The following NRXN3 variants were observed in gnomAD, a reference collection of about 807,000 sequenced individuals.
NRXN3 encodes neurexin III.
In NRXN3, 32 loss-of-function variants were observed where a neutral mutation model predicts 137.6. That is an observed-to-expected ratio of 0.23 (90% CI 0.18 to 0.31). The LOEUF (loss-of-function observed/expected upper bound fraction) is 0.31. Among genes scored for constraint, NRXN3 ranks in the 10% least tolerant of loss-of-function variants. NRXN3 has a pLI of 1.00. For missense variants in NRXN3, 1,574 were observed against 2,062.5 expected (o/e 0.76, Z 4.59); for synonymous variants, 798 against 784.5 (o/e 1.02, Z -0.29).
chr14:78,231,082 T>C (rs1447363859), intron 1 of NRXN3, among the ~76,000 whole-genome samples: 1 of 152,110 alleles, frequency 6.6e-6, no homozygotes, highest in Non-Finnish European at 1.5e-5. Context: ...TGGAACATCC[T>C]GTCAACGGGT....
chr14:78,369,967 C>A (rs550354376), intron 4 of NRXN3, among the ~76,000 whole-genome samples: 11 of 151,282 alleles, frequency 7.3e-5, no homozygotes, highest in African/African-American at 2.7e-4. Flanking sequence ...CCTTATTTGT[C>A]TGCTCAAGTT....
At chr14:78,569,234 G>T (rs1460360418) in intron 4 of NRXN3, among the ~76,000 whole-genome samples, 1 of 150,408 alleles carries the variant, frequency 6.6e-6, no homozygotes, top group African/African-American at 2.5e-5. Context: ...CTCCCAAAGT[G>T]CTGGGATTGC....
intron 4 of NRXN3, among the ~76,000 whole-genome samples, chr14:78,336,056 A>G (rs1426951891): frequency 1.3e-5 from 2 of 152,198 alleles, no homozygotes; most frequent in African/African-American, 4.8e-5. Context: ...TGGAGAAGCA[A>G]GTTAAACTCA....
chr14:79,759,912 T>A (rs1012448558), intron 19 of NRXN3, among the ~76,000 whole-genome samples: 6 of 151,698 alleles, frequency 4.0e-5, no homozygotes, highest in Non-Finnish European at 8.8e-5. Context: ...TCTGTCTGTA[T>A]GAATATTTTT....
chr14:79,003,181 C>T (rs10150236), intron 15 of NRXN3, among the ~76,000 whole-genome samples: 7,341 of 152,164 alleles, frequency 0.048, 635 homozygotes, highest in African/African-American at 0.17. Flanking sequence ...CAAGAACATT[C>T]TGAGGTGTTC....
intron 5 of NRXN3, among the ~76,000 whole-genome samples, chr14:78,649,566 T>C (rs2097719811): frequency 7.1e-6 from 1 of 141,614 alleles, no homozygotes; most frequent in Admixed American, 7.0e-5. Context: ...AAAAATGCTT[T>C]TTTTTTTTTT....
intron 10 of NRXN3, among the ~76,000 whole-genome samples, chr14:78,834,300 G>T (rs565882325): frequency 6.6e-6 from 1 of 152,138 alleles, no homozygotes; most frequent in Admixed American, 6.6e-5. Flanking sequence ...TCAAGGTGAG[G>T]TGGGCACAAA....
intron 16 of NRXN3, among the ~76,000 whole-genome samples, chr14:79,529,253 C>A (rs2097148765): frequency 6.6e-6 from 1 of 152,128 alleles, no homozygotes; most frequent in Non-Finnish European, 1.5e-5. Context: ...GGGCTGCATG[C>A]ACCGGTGGTC....
At chr14:79,838,370 G>A (rs1356105822) in intron 20 of NRXN3, among the ~76,000 whole-genome samples, 1 of 152,220 alleles carries the variant, frequency 6.6e-6, no homozygotes, top group Non-Finnish European at 1.5e-5. Context: ...TAAAAGTGGA[G>A]ACTGTAAGTG....
intron 15 of NRXN3, among the ~76,000 whole-genome samples, chr14:79,349,573 CACACACACACACACAG>C (rs2093098248): frequency 2.0e-5 from 3 of 151,554 alleles, no homozygotes; most frequent in Admixed American, 6.6e-5. Context: ...CACACACACA[CACACACACACACACAG>C]ACAATATTAT....
At chr14:79,200,003 T>C (rs1324008788) in intron 15 of NRXN3, 1 of 151,938 alleles carries the variant, frequency 6.6e-6, no homozygotes, top group East Asian at 1.9e-4. Context: ...AATTGAGAGG[T>C]CATTGACTGG....
chr14:79,485,155 A>AG (rs950339551), intron 16 of NRXN3, among the ~76,000 whole-genome samples: 3 of 152,138 alleles, frequency 2.0e-5, no homozygotes, highest in African/African-American at 7.2e-5. Context: ...AGTTCTCTGA[A>AG]GGGGGCAGTC....
intron 4 of NRXN3, among the ~76,000 whole-genome samples, chr14:78,382,596 G>A (rs1014173008): frequency 1.3e-5 from 2 of 152,322 alleles, no homozygotes; most frequent in African/African-American, 2.4e-5. Context: ...GTAAATAAGA[G>A]ATTTAAGTGA....
At chr14:79,328,557 C>T (rs767831082) in intron 15 of NRXN3, among the ~76,000 whole-genome samples, 21 of 152,100 alleles carry the variant, frequency 1.4e-4, no homozygotes, top group Admixed American at 5.2e-4. Context: ...GCTCTTTTTC[C>T]TTTTTCCATG....
intron 16 of NRXN3, among the ~76,000 whole-genome samples, chr14:79,535,339 C>T (rs1296787748): frequency 2.0e-5 from 3 of 152,142 alleles, no homozygotes; most frequent in East Asian, 3.9e-4. Flanking sequence ...CTTCTTCCCG[C>T]GTAGCATCAC....
At chr14:78,395,708 G>A (rs916011872) in intron 4 of NRXN3, among the ~76,000 whole-genome samples, 8 of 151,782 alleles carry the variant, frequency 5.3e-5, no homozygotes, top group African/African-American at 1.7e-4. Flanking sequence ...GTTACATTTA[G>A]GTGGATTGAC....
At chr14:79,331,840 C>CTG (rs58746209) in intron 15 of NRXN3, among the ~76,000 whole-genome samples, 3,963 of 148,786 alleles carry the variant, frequency 0.027, 96 homozygotes, top group East Asian at 0.07. Context: ...AAGGCTTTTG[C>CTG]TGTGTGTGTG....
At chr14:78,824,287 A>C (rs560395680) in intron 10 of NRXN3, among the ~76,000 whole-genome samples, 3 of 152,064 alleles carry the variant, frequency 2.0e-5, no homozygotes, top group Non-Finnish European at 4.4e-5. Flanking sequence ...CTTGGCCAAT[A>C]GGGGATTCTG....
In NRXN3 at chr14:78,539,044, A is replaced by G. The variant is rs180901445; in HGVS notation, c.758-106076A>G. Among the ~76,000 whole-genome samples, 303 of 152,270 alleles carry G rather than the reference A, an allele frequency of 2.0e-3. 3 individuals are homozygous for G. Among genetic ancestry groups the G allele is most frequent in the Middle Eastern group, 0.014 (4 of 294 alleles). ...TATTTTATTGAGGATTTTTGCATTG[A>G]TGTTCATCAGGGATATTGGTCTGAA... is the stretch of plus-strand genomic sequence containing the variant. On this transcript the variant is annotated intron_variant, in intron 4 of 20. Coordinates refer to ENST00000335750, the MANE Select transcript of NRXN3 (RefSeq NM_001330195.2).
Sources: allele counts gnomAD v4.1 joint callset (sites outside exome capture counted in the v4.1 genomes callset), GRCh38; gene constraint gnomAD v4.1.1; transcripts MANE v1.5; gene names NCBI Gene and HGNC (gene_info 2026-07-23, HGNC 2026-07-21).